The following USP40 variants were observed in gnomAD, a reference collection of about 807,000 sequenced individuals.
USP40 encodes the protein ubiquitin carboxyl-terminal hydrolase 40.
In USP40, 143 loss-of-function variants were observed where a neutral mutation model predicts 166.2. That is an observed-to-expected ratio of 0.86 (90% CI 0.75 to 0.99). The LOEUF is 0.99. Among genes scored for constraint, USP40 ranks in the 50% least tolerant of loss-of-function variants. The pLI is 0.00. For synonymous variants in USP40, 498 were observed against 524.0 expected (o/e 0.95, Z 0.68); for missense variants, 1,444 against 1,479.7 (o/e 0.98, Z 0.40).
chr2:233,505,789 T>C (rs537050740), intron 21 of USP40, among the ~76,000 whole-genome samples: 19 of 152,134 alleles, frequency 1.2e-4, no homozygotes, highest in African/African-American at 4.6e-4. Flanking sequence ...AATTGAAAAG[T>C]TGTGAATATT....
At chr2:233,496,562 A>C (rs964265543) in intron 24 of USP40, among the ~76,000 whole-genome samples, 196 bp downstream of exon 24, 3 of 152,252 alleles carry the variant, frequency 2.0e-5, no homozygotes, top group African/African-American at 7.2e-5. Context: ...AAAATGTTAC[A>C]TATAATTGAT....
At chr2:233,542,501 G>A in intron 8 of USP40, 138 bp from the exon 9 acceptor site, 2 of 564,696 alleles carry the variant, frequency 3.5e-6, no homozygotes, top group East Asian at 6.2e-5. Flanking sequence ...GCTTGAGCCA[G>A]GAGTTCAAGA....
chr2:233,554,585 T>C (rs1044284215), intron 5 of USP40, 59 bp from the exon 6 acceptor site: 1 of 1,358,440 alleles, frequency 7.4e-7, no homozygotes, highest in African/African-American at 1.5e-5. Flanking sequence ...AAACACATCA[T>C]CAACTCACAT....
rs1214484194 is a variant in USP40 at position 233,529,606 on chromosome 2, G to A, written c.1472-94C>T. Reference sequence around the variant, plus strand: ...AAGACTAGGAAGGACTGTCCTAGGAGCTAGGAAAGCTGCTACTAATTAGCT... The same window carrying A: ...AAGACTAGGAAGGACTGTCCTAGGAACTAGGAAAGCTGCTACTAATTAGCT... On this transcript the variant is annotated intron_variant, in intron 11 of 31. Coordinates refer to ENST00000678225, the MANE Select transcript of USP40 (RefSeq NM_001365479.2). 6.8e-5 allele frequency: 50 copies of A among 738,162 alleles called. No homozygotes were observed. In the Middle Eastern group the frequency reaches 7.3e-4, roughly 11 times the overall value. The allele number at this position is 738,162 out of a possible 1,614,324, so 45.7% of individuals were successfully genotyped here.
chr2:233,559,820 G>C lies in USP40; in HGVS notation c.372C>G (p.Thr124=). The C allele has an allele frequency of 6.2e-7, 1 of 1,606,372 alleles. No homozygotes were observed. The change falls in exon 4 of 32, where the codon ACC becomes ACG. Residue 124 remains threonine, a synonymous_variant. Transcript: ENST00000678225. ...GAGCTGATCCTCGTACCTCATTACT[G>C]GTCCACCCAAAGCTGTCAGTGAGGT... ...TADLTDSFGW[T]SNEEMRQHDV... is the part of the protein sequence containing the mutation.
chr2:233,519,550 TTTC>T, intron 18 of USP40, 61 bp downstream of exon 18: 3 of 1,087,526 alleles, frequency 2.8e-6, no homozygotes, highest in Non-Finnish European at 4.1e-6. Flanking sequence ...TCTCCTATAT[TTTC>T]TTCAATTCAA....
intron 30 of USP40, among the ~76,000 whole-genome samples, chr2:233,482,735 T>C (rs113097698): frequency 0.048 from 7,350 of 152,176 alleles, 481 homozygotes; most frequent in African/African-American, 0.14. Context: ...GGTTTTGCCA[T>C]GTTGCCCTGG....
At chr2:233,483,813 T>A (rs1031747649) in intron 30 of USP40, among the ~76,000 whole-genome samples, 1 of 152,222 alleles carries the variant, frequency 6.6e-6, no homozygotes, top group African/African-American at 2.4e-5. Context: ...GCATCTTGAA[T>A]CATAGATACT....
intron 8 of USP40, among the ~76,000 whole-genome samples, chr2:233,544,913 G>A (rs926238301): frequency 2.6e-5 from 4 of 152,140 alleles, no homozygotes; most frequent in Admixed American, 6.6e-5. Flanking sequence ...ATTCATACTA[G>A]CTGTATTGCT....
intron 8 of USP40, among the ~76,000 whole-genome samples, chr2:233,545,301 T>C (rs938176291): frequency 6.6e-6 from 1 of 152,218 alleles, no homozygotes; most frequent in Non-Finnish European, 1.5e-5. Context: ...GAGATGATGC[T>C]TGAGCCTATG....
intron 8 of USP40, among the ~76,000 whole-genome samples, chr2:233,544,409 A>ATTAAATAAATCG: frequency 6.6e-6 from 1 of 152,290 alleles, no homozygotes; most frequent in East Asian, 1.9e-4. Flanking sequence ...GGCATGACCG[A>ATTAAATAAATCG]TTAAATAAAT....
rs548513246 is a variant in USP40, at chr2:233,485,946, G to A, written c.3229C>T (p.Arg1077Cys). The change falls in exon 29 of 32, where the codon CGC becomes TGC. Residue 1077 changes from arginine to cysteine, a missense_variant. Coordinates refer to ENST00000678225, the MANE Select transcript of USP40 (RefSeq NM_001365479.2). ...GCATAGGTCCTCTCACCAGGGATGC[G>A]CACCTGTGTCCTCAGCAGCACGTCC... is the stretch of plus-strand genomic sequence containing the variant. ...PQDVLLRTQVRIPGERTYAPA... is the reference protein window; with the variant it reads ...PQDVLLRTQVCIPGERTYAPA... 8 of 1,592,074 alleles carry A rather than the reference G, an allele frequency of 5.0e-6. No individual in the cohort carries two copies. Among genetic ancestry groups the A allele is most frequent in the East Asian group, 4.5e-5 (2 of 44,252 alleles).
chr2:233,507,814 A>C (rs981987302), intron 21 of USP40, among the ~76,000 whole-genome samples: 2 of 152,134 alleles, frequency 1.3e-5, no homozygotes, highest in Non-Finnish European at 2.9e-5. Context: ...ATTGTATATT[A>C]AAAAATAGTT....
At chr2:233,512,477 T>C in intron 19 of USP40, 92 bp downstream of exon 19, 2 of 759,060 alleles carry the variant, frequency 2.6e-6, no homozygotes, top group Non-Finnish European at 2.0e-6. Context: ...TTCCAAAAGG[T>C]AATTTTTAAA....
At position 233,493,850 on chromosome 2, in the gene USP40, C is replaced by CT. The variant is rs2065499262; in HGVS notation, c.2791-300_2791-299insA. Among the ~76,000 whole-genome samples the CT allele has an allele frequency of 1.3e-5, 2 of 152,154 alleles. No individual in the cohort carries two copies. Among genetic ancestry groups the CT allele is most frequent in the African/African-American group, 4.8e-5 (2 of 41,424 alleles). On this transcript the variant is annotated intron_variant, in intron 24 of 31. Coordinates refer to ENST00000678225, the MANE Select transcript of USP40 (RefSeq NM_001365479.2). This position sits in a 1 kb window ranked among gnomAD's most constrained non-coding sequence, Gnocchi z 4.7. ...CATTTGCTTGAACACACTATACCAGCGTTTCCAGGCGCTGTCCAAGCACTG... is the reference window on the plus strand; with the variant it reads ...CATTTGCTTGAACACACTATACCAGCTGTTTCCAGGCGCTGTCCAAGCACTG...
chr2:233,560,222 C>A (rs2071449541), intron 3 of USP40, among the ~76,000 whole-genome samples: 1 of 152,150 alleles, frequency 6.6e-6, no homozygotes, highest in African/African-American at 2.4e-5. Flanking sequence ...TAGTTTGAAT[C>A]TCTTCTAATA....
chr2:233,515,725 CTT>C (rs934502174), intron 18 of USP40, among the ~76,000 whole-genome samples: 85 of 152,216 alleles, frequency 5.6e-4, no homozygotes, highest in African/African-American at 1.9e-3. Context: ...ATGGTTTGTG[CTT>C]TTTGAGTCCT....
At chr2:233,507,292 T>C (rs1018183033) in intron 21 of USP40, among the ~76,000 whole-genome samples, 6 of 152,200 alleles carry the variant, frequency 3.9e-5, no homozygotes, top group Non-Finnish European at 8.8e-5. Context: ...AACATAGAAC[T>C]ATCATGTGAT....
chr2:233,558,366 T>C (rs1251749192), intron 4 of USP40, among the ~76,000 whole-genome samples: 2 of 149,794 alleles, frequency 1.3e-5, no homozygotes, highest in African/African-American at 4.9e-5. Flanking sequence ...AACCAATGAC[T>C]AGATTAAAAA....
Sources: allele counts gnomAD v4.1 joint callset (sites outside exome capture counted in the v4.1 genomes callset), GRCh38; gene constraint gnomAD v4.1.1; non-coding constraint Gnocchi (gnomAD v3.1); transcripts MANE v1.5; gene names NCBI Gene and HGNC (gene_info 2026-07-23, HGNC 2026-07-21).